The following SLC4A4 variants were observed in gnomAD, a reference collection of about 807,000 sequenced individuals.
SLC4A4 encodes the protein electrogenic sodium bicarbonate cotransporter 1.
In SLC4A4, 27 loss-of-function variants were observed where a neutral mutation model predicts 111.5. That is an observed-to-expected ratio of 0.24 (90% CI 0.18 to 0.33). The LOEUF is 0.33. SLC4A4 is among the 10% of genes least tolerant of loss of function. The probability of loss-of-function intolerance (pLI) is 1.00; values close to 1 mark genes in which losing one functional copy is unlikely to be tolerated. For missense variants in SLC4A4, 909 were observed against 1,315.5 expected (o/e 0.69, Z 4.78); for synonymous variants, 443 against 463.4 (o/e 0.96, Z 0.57).
intron 1 of SLC4A4, among the ~76,000 whole-genome samples, chr4:71,082,940 G>A (rs976159993): frequency 3.3e-5 from 5 of 150,464 alleles, no homozygotes; most frequent in Admixed American, 1.3e-4. Flanking sequence ...TGTAACCTCC[G>A]CCTCCCAGGC....
At position 71,338,367 on chromosome 4, in the gene SLC4A4, A is replaced by G. The variant is rs137971817; in HGVS notation, c.254-1003A>G. Reference sequence around the variant, plus strand: ...TATATGCATGTGTGTATGTGTGTCTATCCATAATAAATATATTTGTGTGTA... The same window carrying G: ...TATATGCATGTGTGTATGTGTGTCTGTCCATAATAAATATATTTGTGTGTA... On this transcript the variant is annotated intron_variant, in intron 3 of 25. Coordinates refer to ENST00000264485, the MANE Select transcript of SLC4A4 (RefSeq NM_001098484.3). Among the ~76,000 whole-genome samples the G allele has an allele frequency of 2.2e-3, 329 of 152,268 alleles. 1 individual carries two copies. The highest frequency in any genetic ancestry group is 7.7e-3 in the African/African-American group (321 of 41,564).
intron 14 of SLC4A4, among the ~76,000 whole-genome samples, chr4:71,477,064 C>T (rs1052225575): frequency 1.3e-5 from 2 of 151,686 alleles, no homozygotes; most frequent in African/African-American, 4.8e-5. Flanking sequence ...ATCACCAACA[C>T]CCCAATTTAG....
chr4:71,086,167 T>C (rs1394488600), intron 1 of SLC4A4, among the ~76,000 whole-genome samples: 1 of 151,702 alleles, frequency 6.6e-6, no homozygotes, highest in Non-Finnish European at 1.5e-5. Context: ...TTTGAAGCAA[T>C]TGTGAATGGG....
At chr4:71,296,029 T>G (rs1411774469) in intron 3 of SLC4A4, among the ~76,000 whole-genome samples, 2 of 152,168 alleles carry the variant, frequency 1.3e-5, no homozygotes, top group African/African-American at 4.8e-5. Flanking sequence ...AATCTAAGGT[T>G]TAACAACCAC....
intron 1 of SLC4A4, among the ~76,000 whole-genome samples, chr4:71,187,895 A>G (rs1745556407): frequency 6.6e-6 from 1 of 152,196 alleles, no homozygotes; most frequent in South Asian, 2.1e-4. Context: ...CAGCTCCAGG[A>G]CGGAGCATTT....
At chr4:71,559,668 G>T (rs1560622030) in intron 22 of SLC4A4, among the ~76,000 whole-genome samples, 1 of 151,736 alleles carries the variant, frequency 6.6e-6, no homozygotes, top group African/African-American at 2.4e-5. Flanking sequence ...AGTGTTATAT[G>T]TGTCGTACAG....
intron 1 of SLC4A4, among the ~76,000 whole-genome samples, chr4:71,083,305 GT>G (rs201013863): frequency 0.014 from 2,122 of 149,326 alleles, 65 homozygotes; most frequent in African/African-American, 0.05. Context: ...AAGTTTTTTA[GT>G]TTTTTTTCCA....
Position 71,469,894 on chromosome 4 carries a change from C to T in SLC4A4, c.1632-2805C>T, listed in dbSNP as rs376109015. ...GTTTAAGTTTATACATGTATCTTTT[C>T]CTTTGTACCCAAACTAATGTTGTTC... is the stretch of plus-strand genomic sequence containing the variant. On this transcript the variant is annotated intron_variant, in intron 13 of 25. Transcript: ENST00000264485. Among the ~76,000 whole-genome samples the T allele has an allele frequency of 2.0e-5, 3 of 151,952 alleles. No homozygotes were observed. In the East Asian group the frequency reaches 5.8e-4, roughly 30 times the overall value.
At chr4:71,304,783 A>G (rs1725552280) in intron 3 of SLC4A4, among the ~76,000 whole-genome samples, 1 of 152,196 alleles carries the variant, frequency 6.6e-6, no homozygotes, top group South Asian at 2.1e-4. Context: ...TAGAATCTCT[A>G]CTGATTAAAA....
chr4:71,130,005 G>T lies in SLC4A4; in HGVS notation c.-2+37213G>T, dbSNP rs372461964. Among the ~76,000 whole-genome samples the T allele has an allele frequency of 5.3e-5, 8 of 152,186 alleles. No individual in the cohort carries two copies. The East Asian group carries it at 1.2e-3, about 22-fold the overall frequency. ...TGAGGATAGAGGGAGGAAGGAGGGT[G>T]AGGATTAAAAAACTACCTATGGGGT... On this transcript the variant is annotated intron_variant, in intron 2 of 26. Coordinates refer to the SLC4A4 transcript ENST00000649996.
At chr4:71,069,231 GA>G (rs1430004728) in intron 1 of SLC4A4, among the ~76,000 whole-genome samples, 17 of 152,266 alleles carry the variant, frequency 1.1e-4, no homozygotes, top group African/African-American at 3.9e-4. Flanking sequence ...GAGATGAAAG[GA>G]AAAAGTCTGG....
At chr4:71,529,049 T>C (rs1349230468) in intron 16 of SLC4A4, among the ~76,000 whole-genome samples, 1 of 152,098 alleles carries the variant, frequency 6.6e-6, no homozygotes, top group Non-Finnish European at 1.5e-5. Context: ...GCATGTGCGA[T>C]AGTTAATGTG....
At chr4:71,282,477 G>A (rs551071137) in intron 3 of SLC4A4, among the ~76,000 whole-genome samples, 1 of 151,866 alleles carries the variant, frequency 6.6e-6, no homozygotes, top group Non-Finnish European at 1.5e-5. Context: ...TAGAGATGGG[G>A]TTTCTCCGTG....
intron 4 of SLC4A4, among the ~76,000 whole-genome samples, chr4:71,346,061 T>C (rs1729298895): frequency 6.6e-6 from 1 of 152,102 alleles, no homozygotes; most frequent in Admixed American, 6.6e-5. Flanking sequence ...GTACAACTGA[T>C]ATGTTATTAA....
intron 3 of SLC4A4, among the ~76,000 whole-genome samples, chr4:71,284,412 T>C (rs948507851): frequency 6.6e-6 from 1 of 152,216 alleles, no homozygotes; most frequent in Non-Finnish European, 1.5e-5. Context: ...TTTTATTTGC[T>C]AAAATGCCTT....
chr4:71,366,506 A>G (rs1731340001), intron 6 of SLC4A4, among the ~76,000 whole-genome samples: 2 of 152,196 alleles, frequency 1.3e-5, no homozygotes, highest in Admixed American at 6.5e-5. Context: ...ATTGGATACC[A>G]TCACTCAAAA....
At chr4:71,557,994 G>A in intron 22 of SLC4A4, 109 bp downstream of exon 22, 1 of 889,328 alleles carries the variant, frequency 1.1e-6, no homozygotes, top group South Asian at 1.4e-5. Flanking sequence ...AATTTTTCCA[G>A]CTTTGACCTC....
chr4:71,348,334 C>T (rs1262832008), intron 4 of SLC4A4, among the ~76,000 whole-genome samples: 1 of 151,756 alleles, frequency 6.6e-6, no homozygotes, highest in African/African-American at 2.4e-5. Flanking sequence ...CACACACACA[C>T]ACACACACAC....
chr4:71,343,145 A>G (rs1345895573), intron 4 of SLC4A4, among the ~76,000 whole-genome samples: 1 of 152,160 alleles, frequency 6.6e-6, no homozygotes, highest in African/African-American at 2.4e-5. Context: ...CTTAATAAAC[A>G]TTTGTTTAAT....
Sources: allele counts gnomAD v4.1 joint callset (sites outside exome capture counted in the v4.1 genomes callset), GRCh38; gene constraint gnomAD v4.1.1; transcripts MANE v1.5; gene names NCBI Gene and HGNC (gene_info 2026-07-23, HGNC 2026-07-21).